The following COL22A1 variants were observed in gnomAD, a reference collection of about 807,000 sequenced individuals.
COL22A1 encodes the protein collagen alpha-1(XXII) chain.
A neutral mutation model predicts 248.9 loss-of-function variants in COL22A1; 221 were observed. The ratio of observed to expected loss-of-function variants is 0.89; its 90% CI spans 0.80 to 0.99. The LOEUF (loss-of-function observed/expected upper bound fraction) is 0.99, where lower values mean the gene tolerates loss of function less well. Among genes scored for constraint, COL22A1 ranks in the 50% least tolerant of loss-of-function variants. The pLI, the probability that COL22A1 is intolerant of heterozygous loss-of-function variation, is 0.00. For missense variants in COL22A1, 2,240 were observed against 2,179.0 expected (o/e 1.03, Z -0.56); for synonymous variants, 891 against 793.4 (o/e 1.12, Z -2.07).
intron 23 of COL22A1, among the ~76,000 whole-genome samples, chr8:138,726,980 C>A (rs1321862141): frequency 6.6e-6 from 1 of 152,116 alleles, no homozygotes; most frequent in African/African-American, 2.4e-5. Context: ...GGGTTATAAG[C>A]AGGGGCGAGC....
intron 50 of COL22A1, among the ~76,000 whole-genome samples, chr8:138,628,131 C>G (rs1260238198): frequency 3.3e-5 from 5 of 151,798 alleles, no homozygotes; most frequent in Non-Finnish European, 7.4e-5. Context: ...TTTTATGTGA[C>G]AGATGACAAG....
intron 3 of COL22A1, among the ~76,000 whole-genome samples, chr8:138,870,332 T>C (rs1453048299): frequency 6.6e-6 from 1 of 151,776 alleles, no homozygotes; most frequent in Non-Finnish European, 1.5e-5. Context: ...AGAATGTGTG[T>C]TATATATGTG....
At chr8:138,703,202 A>G (rs1019084151) in intron 31 of COL22A1, 104 bp downstream of exon 31, 21 of 1,052,214 alleles carry the variant, frequency 2.0e-5, no homozygotes, top group South Asian at 1.0e-4. Flanking sequence ...GCAAACTCCA[A>G]TAGGGGAGAT....
intron 15 of COL22A1, among the ~76,000 whole-genome samples, chr8:138,776,444 C>T (rs183290447): frequency 1.6e-4 from 25 of 152,264 alleles, no homozygotes; most frequent in Non-Finnish European, 2.4e-4. Context: ...TTAAGGCAAT[C>T]GCCCCTCCTC....
intron 59 of COL22A1, among the ~76,000 whole-genome samples, chr8:138,604,527 C>T (rs539343172): frequency 6.6e-6 from 1 of 152,292 alleles, no homozygotes; most frequent in South Asian, 2.1e-4. Flanking sequence ...CAAGACGGTG[C>T]CCCTGCACTG....
chr8:138,755,859 A>C (rs776070161), intron 18 of COL22A1, 30 bp from the exon 19 acceptor site: 2 of 1,607,408 alleles, frequency 1.2e-6, no homozygotes, highest in African/African-American at 2.7e-5. Flanking sequence ...ATTTCAGCAT[A>C]GTTACTGGTG....
chr8:138,700,030 C>A lies in COL22A1; in HGVS notation c.2592+82G>T, dbSNP rs1827823209. 3.8e-6 allele frequency: 5 copies of A among 1,328,884 alleles called. No individual in the cohort carries two copies. In the South Asian group the frequency reaches 6.1e-5, roughly 16 times the overall value. The allele number at this position is 1,328,884 out of a possible 1,614,324, so 82.3% of individuals were successfully genotyped here. A position where few individuals can be genotyped will look rare whatever the true frequency, so the allele number is the denominator to read the frequency against. ...GATGGGGCTGAGTCCTCACCCCACC[C>A]AGTCCAGGCTCCCAGGCCACACTGG... On this transcript the variant is annotated intron_variant, in intron 32 of 64. Transcript: ENST00000303045.
chr8:138,653,569 C>A (rs990818663), intron 45 of COL22A1, among the ~76,000 whole-genome samples: 2 of 152,106 alleles, frequency 1.3e-5, no homozygotes, highest in African/African-American at 4.8e-5. Flanking sequence ...AATATTTCTG[C>A]AAGGGTAATG....
At chr8:138,875,413 C>T (rs1237996896) in intron 3 of COL22A1, among the ~76,000 whole-genome samples, 1 of 152,088 alleles carries the variant, frequency 6.6e-6, no homozygotes, top group Non-Finnish European at 1.5e-5. Flanking sequence ...CCACTCTGAA[C>T]CAAGACTGTC....
intron 43 of COL22A1, among the ~76,000 whole-genome samples, chr8:138,661,199 C>T (rs72727870): frequency 0.017 from 2,592 of 152,110 alleles, 35 homozygotes; most frequent in Middle Eastern, 0.041. Flanking sequence ...TCCTATTAGA[C>T]TGGCTATAAG....
intron 1 of COL22A1, among the ~76,000 whole-genome samples, chr8:138,899,904 T>C (rs900182315): frequency 1.3e-5 from 2 of 152,196 alleles, no homozygotes; most frequent in Non-Finnish European, 2.9e-5. Context: ...TCAATAAATA[T>C]TTGTTAAATG....
intron 54 of COL22A1, 73 bp downstream of exon 54, chr8:138,616,841 G>T: frequency 1.3e-6 from 2 of 1,560,086 alleles, no homozygotes; most frequent in Non-Finnish European, 8.8e-7. Context: ...CCTGCAGGCT[G>T]CAAGTATCTT....
intron 48 of COL22A1, 128 bp from the exon 49 acceptor site, chr8:138,635,191 C>T (rs1017367142): frequency 1.1e-5 from 7 of 665,060 alleles, no homozygotes; most frequent in South Asian, 2.1e-5. Context: ...TGCTTAAAGA[C>T]ACTGACAATA....
At chr8:138,907,916 T>A (rs1815145340) in intron 1 of COL22A1, among the ~76,000 whole-genome samples, 2 of 152,138 alleles carry the variant, frequency 1.3e-5, no homozygotes, top group Non-Finnish European at 2.9e-5. Flanking sequence ...TCACCTCTTA[T>A]TAGGCCACAT....
chr8:138,759,405 G>A (rs963446111), intron 18 of COL22A1, among the ~76,000 whole-genome samples: 8 of 152,138 alleles, frequency 5.3e-5, no homozygotes, highest in African/African-American at 7.2e-5. Context: ...GATGTCTCCC[G>A]TCTCAGCCCC....
chr8:138,778,491 T>C (rs767499276), intron 14 of COL22A1, 85 bp from the exon 15 acceptor site: 5 of 1,270,680 alleles, frequency 3.9e-6, no homozygotes, highest in Non-Finnish European at 5.4e-6. Flanking sequence ...GTCCCACGTT[T>C]GGTGACAAGA....
intron 56 of COL22A1, among the ~76,000 whole-genome samples, chr8:138,613,496 GC>G (rs1819067872): frequency 6.6e-6 from 1 of 152,164 alleles, no homozygotes; most frequent in South Asian, 2.1e-4. Flanking sequence ...ACACATTTCT[GC>G]CACGTACCAC....
chr8:138,641,677 T>G (rs182328367), intron 47 of COL22A1, among the ~76,000 whole-genome samples: 189 of 152,296 alleles, frequency 1.2e-3, no homozygotes, highest in African/African-American at 4.3e-3. Flanking sequence ...TGCAAATCTG[T>G]AAGATAAACC....
chr8:138,677,512 ACGCC>A (rs1480680481), intron 40 of COL22A1, among the ~76,000 whole-genome samples: 34 of 152,204 alleles, frequency 2.2e-4, no homozygotes, highest in Non-Finnish European at 4.0e-4. Flanking sequence ...AGGCCGAGCC[ACGCC>A]TTATTCGTAA....
Sources: allele counts gnomAD v4.1 joint callset (sites outside exome capture counted in the v4.1 genomes callset), GRCh38; gene constraint gnomAD v4.1.1; transcripts MANE v1.5; gene names NCBI Gene and HGNC (gene_info 2026-07-23, HGNC 2026-07-21).